Variants in SLC39A11 observed in about 807,000 individuals in gnomAD.
The protein encoded by SLC39A11 is zinc transporter ZIP11.
A neutral mutation model predicts 36.1 loss-of-function variants in SLC39A11; 33 were observed. The ratio of observed to expected loss-of-function variants is 0.91; its 90% CI spans 0.69 to 1.22. The LOEUF is 1.22. Ranked by LOEUF, SLC39A11 falls within the 50% of genes most tolerant of loss-of-function variation. The pLI is 0.00. For missense variants in SLC39A11, 432 were observed against 430.3 expected (o/e 1.00, Z -0.03); for synonymous variants, 166 against 170.3 (o/e 0.97, Z 0.20).
chr17:73,056,288 C>A (rs1311948128), intron 3 of SLC39A11, among the ~76,000 whole-genome samples: 1 of 152,130 alleles, frequency 6.6e-6, no homozygotes, highest in African/African-American at 2.4e-5. Flanking sequence ...CCTGCCTCAG[C>A]CTCCCGAGTA....
At position 72,935,967 on chromosome 17, in the gene SLC39A11, C is replaced by CA. The variant is rs368284201; in HGVS notation, c.430+11784dup. 2.0e-3 allele frequency among the ~76,000 whole-genome samples: 307 copies of CA among 151,864 alleles called. 2 individuals carry two copies. The East Asian group carries it at 0.024, about 12-fold the overall frequency. ...ATCCCAGCACTTTGGGAGGCCAAGG[C>CA]AGGGGGATCGCTTGAGCTAAGGAGT... is the stretch of plus-strand genomic sequence containing the variant. On this transcript the variant is annotated intron_variant, in intron 5 of 9. Transcript: ENST00000255559.
At chr17:72,716,992 T>TACATAC (rs2073414764) in intron 7 of SLC39A11, among the ~76,000 whole-genome samples, 1 of 126,464 alleles carries the variant, frequency 7.9e-6, no homozygotes, top group African/African-American at 3.2e-5. Context: ...TATATATATA[T>TACATAC]ACACACACAC....
chr17:72,783,177 A>T (rs1195878761), intron 6 of SLC39A11, among the ~76,000 whole-genome samples: 1 of 151,692 alleles, frequency 6.6e-6, no homozygotes, highest in Non-Finnish European at 1.5e-5. Context: ...GATTCTCACC[A>T]GAAAGCAGAT....
intron 5 of SLC39A11, among the ~76,000 whole-genome samples, chr17:72,864,694 C>T (rs2080215320): frequency 6.6e-6 from 1 of 152,132 alleles, no homozygotes; most frequent in Non-Finnish European, 1.5e-5. Flanking sequence ...TAAAATTAGT[C>T]CTCCCACTAA....
At chr17:72,989,150 C>G (rs1411618123) in intron 4 of SLC39A11, among the ~76,000 whole-genome samples, 1 of 152,154 alleles carries the variant, frequency 6.6e-6, no homozygotes, top group Non-Finnish European at 1.5e-5. Flanking sequence ...TTATGCTGGT[C>G]AGTTTTCTAC....
chr17:73,012,090 C>T (rs1216183706), intron 4 of SLC39A11, among the ~76,000 whole-genome samples: 1 of 151,308 alleles, frequency 6.6e-6, no homozygotes, highest in African/African-American at 2.4e-5. Flanking sequence ...GCCTGGCCAA[C>T]ATGGTGAAAA....
intron 6 of SLC39A11, among the ~76,000 whole-genome samples, chr17:72,764,754 G>A (rs2075707077): frequency 6.6e-6 from 1 of 152,148 alleles, no homozygotes; most frequent in Non-Finnish European, 1.5e-5. Context: ...TGACACATCT[G>A]CAATTTTGCA....
At chr17:72,917,881 TA>T (rs2147207769) in intron 5 of SLC39A11, among the ~76,000 whole-genome samples, 1 of 152,312 alleles carries the variant, frequency 6.6e-6, no homozygotes, top group East Asian at 1.9e-4. Flanking sequence ...GACCACCAGC[TA>T]CCTACAGCAG....
chr17:72,855,781 T>C lies in SLC39A11; in HGVS notation c.431-5977A>G, dbSNP rs551392924. The stretch of plus-strand genomic sequence containing the variant: ...GCGTGGTGGCGGGCACCTGTAGTCC[T>C]AGCTACTTGGGAGGCTGAGGCAGGA... On this transcript the variant is annotated intron_variant, in intron 5 of 9. Transcript: ENST00000255559. Among the ~76,000 whole-genome samples, 1,041 of 151,914 alleles carry C rather than the reference T, an allele frequency of 6.9e-3. 2 individuals are homozygous for C. The highest frequency in any genetic ancestry group is 0.011 in the Non-Finnish European group (775 of 67,944).
intron 7 of SLC39A11, among the ~76,000 whole-genome samples, chr17:72,678,914 T>A (rs2071394512): frequency 6.6e-6 from 1 of 152,148 alleles, no homozygotes; most frequent in African/African-American, 2.4e-5. Flanking sequence ...ATGTGGTACA[T>A]TTACACAATG....
Position 72,866,621 on chromosome 17 carries a change from G to GA in SLC39A11, c.431-16818dup, listed in dbSNP as rs904608169. On this transcript the variant is annotated intron_variant, in intron 5 of 9. Coordinates refer to ENST00000255559, the MANE Select transcript of SLC39A11 (RefSeq NM_139177.4). ...AAACTGAAAACCACTAAAGACAAAT[G>GA]AAAAAAAATGTATACACAACCAGAG... Among the ~76,000 whole-genome samples, 8 of 151,298 alleles carry GA rather than the reference G, an allele frequency of 5.3e-5. No individual in the cohort carries two copies. In the South Asian group the frequency reaches 6.3e-4, roughly 12 times the overall value.
At chr17:72,930,572 G>A (rs2084325564) in intron 5 of SLC39A11, among the ~76,000 whole-genome samples, 1 of 152,200 alleles carries the variant, frequency 6.6e-6, no homozygotes, top group Admixed American at 6.5e-5. Flanking sequence ...CCCTGGCTGA[G>A]ACACACAGAA....
At chr17:72,706,455 C>G (rs767713012) in intron 7 of SLC39A11, among the ~76,000 whole-genome samples, 1 of 152,160 alleles carries the variant, frequency 6.6e-6, no homozygotes, top group African/African-American at 2.4e-5. Flanking sequence ...GTCTTGCCAA[C>G]TCTGTAGTGT....
intron 4 of SLC39A11, among the ~76,000 whole-genome samples, chr17:73,024,413 G>T (rs549072548): frequency 1.3e-5 from 2 of 150,336 alleles, no homozygotes; most frequent in African/African-American, 5.0e-5. Context: ...GACGATATCA[G>T]GCTTATTGTA....
intron 5 of SLC39A11, among the ~76,000 whole-genome samples, chr17:72,941,280 A>C (rs1360565571): frequency 6.6e-6 from 1 of 152,226 alleles, no homozygotes; most frequent in Non-Finnish European, 1.5e-5. Context: ...CTCGATAAAA[A>C]GACAGACCAT....
chr17:72,658,710 G>A (rs552025139), intron 7 of SLC39A11, among the ~76,000 whole-genome samples: 36 of 152,248 alleles, frequency 2.4e-4, no homozygotes, highest in African/African-American at 7.5e-4. Flanking sequence ...AACACATCTG[G>A]GTGGGACCCC....
At chr17:72,950,124 C>G (rs568031919) in intron 4 of SLC39A11, among the ~76,000 whole-genome samples, 5 of 152,210 alleles carry the variant, frequency 3.3e-5, no homozygotes, top group Non-Finnish European at 4.4e-5. Context: ...TTCCTCTCAT[C>G]TATTCTCATT....
intron 7 of SLC39A11, among the ~76,000 whole-genome samples, chr17:72,695,325 C>T (rs2072245074): frequency 2.0e-5 from 3 of 152,224 alleles, no homozygotes; most frequent in Admixed American, 2.0e-4. Flanking sequence ...CCTGACATGT[C>T]CACATGCATC....
chr17:72,992,093 T>C (rs962994359), intron 4 of SLC39A11, among the ~76,000 whole-genome samples: 2 of 152,192 alleles, frequency 1.3e-5, no homozygotes, highest in African/African-American at 4.8e-5. Context: ...GGCTCACACC[T>C]GTAATCCCAG....
Sources: gnomAD v4.1 joint callset for allele counts (sites outside exome capture counted in the v4.1 genomes callset) on GRCh38, gnomAD v4.1.1 for gene constraint, MANE v1.5 for transcripts, NCBI Gene and HGNC (gene_info 2026-07-23, HGNC 2026-07-21) for gene names.